LRRC25: variants seen among roughly 807,000 people sequenced by gnomAD.
The protein encoded by LRRC25 is leucine-rich repeat-containing protein 25.
LRRC25 carries 5 observed loss-of-function variants against 18.8 expected under a neutral mutation model. The observed-to-expected ratio is 0.27, with a 90% CI of 0.14 to 0.56. The LOEUF (loss-of-function observed/expected upper bound fraction) is 0.56. Among genes scored for constraint, LRRC25 ranks in the 20% least tolerant of loss-of-function variants. The pLI, the probability that LRRC25 is intolerant of heterozygous loss-of-function variation, is 0.93. For synonymous variants in LRRC25, 161 were observed against 176.8 expected (o/e 0.91, Z 0.71); for missense variants, 341 against 389.8 (o/e 0.87, Z 1.05).
chr19:18,392,660 C>A (rs557287474), intron 1 of LRRC25, among the ~76,000 whole-genome samples: 2 of 152,042 alleles, frequency 1.3e-5, no homozygotes, highest in South Asian at 2.1e-4. Flanking sequence ...TGTAACGCTG[C>A]GGTCTGAGGA....
intron 1 of LRRC25, 93 bp downstream of exon 1, chr19:18,396,092 T>C: frequency 6.8e-7 from 1 of 1,461,998 alleles, no homozygotes; most frequent in South Asian, 1.3e-5. Flanking sequence ...TCCCACAGCC[T>C]TCAAGCGGCA....
rs776661987 is a variant in LRRC25 at position 18,396,448 on chromosome 19, G to A, written c.516C>T (p.Ser172=). Residue 172 remains serine (S), a synonymous_variant, in exon 1 of 2, where the codon AGC becomes AGT. Transcript: ENST00000339007. ...ASATIGAVVV[S]GCLLLGLAIA... is the part of the protein sequence containing the mutation. ...TGGCAAGTCCAAGAAGCAGGCACCC[G>A]CTGACCACCACTGCCCCGATAGTTG... The A allele has an allele frequency of 2.5e-6, 4 of 1,613,474 alleles. No individual in the cohort carries two copies. The highest frequency in any genetic ancestry group is 2.2e-5 in the East Asian group (1 of 44,880).
intron 1 of LRRC25, 97 bp from the exon 2 acceptor site, chr19:18,392,222 C>T: frequency 1.5e-6 from 2 of 1,295,478 alleles, no homozygotes; most frequent in Non-Finnish European, 2.2e-6. Context: ...GCCAGGTGCT[C>T]TGACTCACGC....
Position 18,391,879 on chromosome 19 carries a change from G to A in LRRC25, c.*108C>T. 2 of 1,354,458 alleles carry A rather than the reference G, an allele frequency of 1.5e-6. No homozygotes were observed. The highest frequency in any genetic ancestry group is 2.0e-6 in the Non-Finnish European group (2 of 986,200). The allele number at this position is 1,354,458 out of a possible 1,614,324, so 83.9% of individuals were successfully genotyped here. A position where few individuals can be genotyped will look rare whatever the true frequency, so the allele number is the denominator to read the frequency against. ...GGGGCCTCAAGGACAATCCTTTCCT[G>A]TACCCATTCTTCAGATGGGGAAACT... is the stretch of plus-strand genomic sequence containing the variant. On this transcript the variant is annotated 3_prime_UTR_variant, in exon 2 of 2. Coordinates refer to ENST00000339007, the MANE Select transcript of LRRC25 (RefSeq NM_145256.3).
chr19:18,397,016 G>A lies in LRRC25; in HGVS notation c.-53C>T. The A allele has an allele frequency of 1.3e-6, 2 of 1,531,714 alleles. No individual in the cohort carries two copies. The highest frequency in any genetic ancestry group is 1.4e-5 in the African/African-American group (1 of 73,588). The allele number at this position is 1,531,714 out of a possible 1,614,324, so 94.9% of individuals were successfully genotyped here. On this transcript the variant is annotated 5_prime_UTR_variant, in exon 1 of 2. Coordinates refer to ENST00000339007, the MANE Select transcript of LRRC25 (RefSeq NM_145256.3). ...ATCCTAGCCCTGACCTCAGCCCTGT[G>A]GTCGCCCTCGCCTCCACCGCCAGTG... is the stretch of plus-strand genomic sequence containing the variant.
rs966005586 is a variant in LRRC25 at position 18,397,273 on chromosome 19, A to C, written c.-310T>G. The C allele has an allele frequency of 1.1e-5, 4 of 369,694 alleles. No homozygotes were observed. Among genetic ancestry groups the C allele is most frequent in the African/African-American group, 2.0e-5 (1 of 49,584 alleles). 22.9% of individuals were successfully genotyped at this position (369,694 alleles called of 1,614,324 possible). A position where few individuals can be genotyped will look rare whatever the true frequency, so the allele number is the denominator to read the frequency against. On this transcript the variant is annotated 5_prime_UTR_variant, in exon 1 of 2. Coordinates refer to ENST00000339007, the MANE Select transcript of LRRC25 (RefSeq NM_145256.3). ...CCCTCGTTGGCCAGGACGGGACCCT[A>C]TGCAAATAAGCGGTTGCCTTGGAAA...
Position 18,391,433 on chromosome 19 carries a change from G to A in LRRC25, c.*554C>T, listed in dbSNP as rs570983901. On this transcript the variant is annotated 3_prime_UTR_variant, in exon 2 of 2. Transcript: ENST00000339007. ...GGGTGCTGTAATCCCAGCTACTCAGGAGGCTGAGGCAGGAGAATCACTTGA... is the reference window on the plus strand; with the variant it reads ...GGGTGCTGTAATCCCAGCTACTCAGAAGGCTGAGGCAGGAGAATCACTTGA... 6.5e-6 allele frequency: 1 copy of A among 153,066 alleles called. No individual in the cohort carries two copies. Among genetic ancestry groups the A allele is most frequent in the East Asian group, 1.9e-4 (1 of 5,206 alleles). 9.5% of individuals were successfully genotyped at this position (153,066 alleles called of 1,614,324 possible).
intron 1 of LRRC25, among the ~76,000 whole-genome samples, chr19:18,395,902 G>A (rs1971961948): frequency 6.6e-6 from 1 of 152,074 alleles, no homozygotes; most frequent in South Asian, 2.1e-4. Flanking sequence ...TGTATTTTTA[G>A]TACAGACTGG....
Position 18,391,602 on chromosome 19 carries a change from G to C in LRRC25, c.*385C>G, listed in dbSNP as rs1971899897. 1 of 166,352 alleles carries C rather than the reference G, an allele frequency of 6.0e-6. No individual in the cohort carries two copies. The highest frequency in any genetic ancestry group is 1.3e-5 in the Non-Finnish European group (1 of 75,880). 10.3% of individuals were successfully genotyped at this position (166,352 alleles called of 1,614,324 possible). A position where few individuals can be genotyped will look rare whatever the true frequency, so the allele number is the denominator to read the frequency against. On this transcript the variant is annotated 3_prime_UTR_variant, in exon 2 of 2. Transcript: ENST00000339007. Reference sequence around the variant, plus strand: ...GGATGGGAGGTGGGGAGCAATTTGGGAGTCTCAGATGGAGACTTGGTCTTA... The same window carrying C: ...GGATGGGAGGTGGGGAGCAATTTGGCAGTCTCAGATGGAGACTTGGTCTTA...
At chr19:18,393,189 C>A (rs1476391790) in intron 1 of LRRC25, among the ~76,000 whole-genome samples, 1 of 152,222 alleles carries the variant, frequency 6.6e-6, no homozygotes, top group African/African-American at 2.4e-5. Flanking sequence ...AAAAGCAAGT[C>A]TCTGAGCCTC....
At chr19:18,393,690 A>G (rs992464740) in intron 1 of LRRC25, among the ~76,000 whole-genome samples, 23 of 151,908 alleles carry the variant, frequency 1.5e-4, no homozygotes, top group African/African-American at 5.6e-4. Context: ...TTGCCCACCA[A>G]CCCCTAAGTG....
At position 18,397,364 on chromosome 19, in the gene LRRC25, A is replaced by G. The variant is rs1009954837; in HGVS notation, c.-401T>C. The stretch of plus-strand genomic sequence containing the variant: ...CGGCGGGTCGCTGGGAAGTCCTGGG[A>G]TAGGGTGGAGTGGGGGCTGCTGAAA... On this transcript the variant is annotated 5_prime_UTR_variant, in exon 1 of 2. Transcript: ENST00000339007. 6.2e-5 allele frequency: 15 copies of G among 241,258 alleles called. No homozygotes were observed. Among genetic ancestry groups the G allele is most frequent in the Non-Finnish European group, 9.9e-5 (12 of 121,440 alleles). 14.9% of individuals were successfully genotyped at this position (241,258 alleles called of 1,614,324 possible).
intron 1 of LRRC25, among the ~76,000 whole-genome samples, chr19:18,393,628 A>G (rs528021564): frequency 6.6e-6 from 1 of 151,948 alleles, no homozygotes; most frequent in Admixed American, 6.6e-5. Flanking sequence ...AAAAGGCAAA[A>G]GGGCTACTTT....
At position 18,396,987 on chromosome 19, in the gene LRRC25, C is replaced by T. The variant is rs1433379942; in HGVS notation, c.-24G>A. On this transcript the variant is annotated 5_prime_UTR_variant, in exon 1 of 2. Transcript: ENST00000339007. ...ATTCAAGCAACCTACGTAGAGACACCGGAATCCTAGCCCTGACCTCAGCCC... is the reference window on the plus strand; with the variant it reads ...ATTCAAGCAACCTACGTAGAGACACTGGAATCCTAGCCCTGACCTCAGCCC... 3.8e-6 allele frequency: 6 copies of T among 1,585,284 alleles called. No homozygotes were observed. The highest frequency in any genetic ancestry group is 5.1e-6 in the Non-Finnish European group (6 of 1,166,812).
At chr19:18,394,337 G>C in intron 1 of LRRC25, among the ~76,000 whole-genome samples, 1 of 135,290 alleles carries the variant, frequency 7.4e-6, no homozygotes, top group Non-Finnish European at 1.5e-5. Flanking sequence ...ACGGAGTCTC[G>C]CTCTGTCGCC....
At chr19:18,392,188 G>A (rs1971910610) in intron 1 of LRRC25, 63 bp from the exon 2 acceptor site, 5 of 1,566,606 alleles carry the variant, frequency 3.2e-6, no homozygotes, top group Non-Finnish European at 3.5e-6. Flanking sequence ...ACAGGCACAT[G>A]AGCTTTGAGA....
chr19:18,392,359 G>C (rs1406338333), intron 1 of LRRC25, among the ~76,000 whole-genome samples: 1 of 116,660 alleles, frequency 8.6e-6, no homozygotes, highest in Non-Finnish European at 2.0e-5. Context: ...AGGCATGGTG[G>C]CACAGGCCTG....
Position 18,397,246 on chromosome 19 carries a change from C to T in LRRC25, c.-283G>A, listed in dbSNP as rs181468783. Reference sequence around the variant, plus strand: ...TCTTCTATGTCCTGAACATTTGGGGCGCCCTCGTTGGCCAGGACGGGACCC... The same window carrying T: ...TCTTCTATGTCCTGAACATTTGGGGTGCCCTCGTTGGCCAGGACGGGACCC... On this transcript the variant is annotated 5_prime_UTR_variant, in exon 1 of 2. Transcript: ENST00000339007. 3,723 of 453,608 alleles carry T rather than the reference C, an allele frequency of 8.2e-3. 23 individuals are homozygous for T. The highest frequency in any genetic ancestry group is 0.012 in the Non-Finnish European group (2,993 of 250,998). 28.1% of individuals were successfully genotyped at this position (453,608 alleles called of 1,614,324 possible). A position where few individuals can be genotyped will look rare whatever the true frequency, so the allele number is the denominator to read the frequency against.
intron 1 of LRRC25, among the ~76,000 whole-genome samples, chr19:18,395,373 A>G (rs78275647): frequency 1.3e-5 from 2 of 149,122 alleles, no homozygotes; most frequent in African/African-American, 4.9e-5. Context: ...TCCATCTCAA[A>G]AAAAAAAAAA....
Sources: gnomAD v4.1 joint callset for allele counts (sites outside exome capture counted in the v4.1 genomes callset) on GRCh38, gnomAD v4.1.1 for gene constraint, MANE v1.5 for transcripts, NCBI Gene and HGNC (gene_info 2026-07-23, HGNC 2026-07-21) for gene names.